RBFOX1: variants seen among roughly 807,000 people sequenced by gnomAD.
RBFOX1 encodes the protein RNA binding protein fox-1 homolog 1.
In RBFOX1, 8 loss-of-function variants were observed where a neutral mutation model predicts 57.7. The observed-to-expected ratio is 0.14, with a 90% CI of 0.08 to 0.25. RBFOX1 has a LOEUF of 0.25. RBFOX1 is among the 10% of genes least tolerant of loss of function. The pLI is 1.00. For synonymous variants in RBFOX1, 326 were observed against 222.4 expected (o/e 1.47, Z -4.15); for missense variants, 611 against 548.5 (o/e 1.11, Z -1.14).
In RBFOX1 at chr16:6,991,247, T is replaced by G. The variant is rs190744233; in HGVS notation, c.-15-60810T>G. Among the ~76,000 whole-genome samples the G allele has an allele frequency of 2.5e-4, 38 of 151,158 alleles. No individual in the cohort carries two copies. The East Asian group carries it at 5.9e-3, about 23-fold the overall frequency. On this transcript the variant is annotated intron_variant, in intron 3 of 15. Coordinates refer to ENST00000550418, the MANE Select transcript of RBFOX1 (RefSeq NM_018723.4). ...CCTGGGAGGCAGAGGTTGCAGTGAG[T>G]TGAGACCATGCCACGTCACTCCAGC...
At chr16:5,697,754 G>A (rs1458229428) in intron 3 of RBFOX1, among the ~76,000 whole-genome samples, 1 of 151,906 alleles carries the variant, frequency 6.6e-6, no homozygotes, top group Non-Finnish European at 1.5e-5. Flanking sequence ...GGCTGGTCTC[G>A]AACTCCTGTC....
intron 4 of RBFOX1, among the ~76,000 whole-genome samples, chr16:6,001,953 C>T (rs1008331308): frequency 4.0e-5 from 6 of 149,578 alleles, no homozygotes; most frequent in Non-Finnish European, 8.9e-5. Flanking sequence ...CATGAATAAT[C>T]TATAGCTCTT....
intron 2 of RBFOX1, among the ~76,000 whole-genome samples, chr16:6,647,874 C>G (rs889252978): frequency 6.6e-6 from 1 of 152,086 alleles, no homozygotes; most frequent in African/African-American, 2.4e-5. Flanking sequence ...GAGTCTTGTT[C>G]TTTGTTGCCC....
intron 2 of RBFOX1, among the ~76,000 whole-genome samples, chr16:6,372,366 G>C (rs1291565922): frequency 6.6e-6 from 1 of 151,530 alleles, no homozygotes; most frequent in Non-Finnish European, 1.5e-5. Flanking sequence ...TGGAAGGATG[G>C]TTGGTTAGGA....
chr16:5,523,852 A>C (rs545335127), intron 2 of RBFOX1, among the ~76,000 whole-genome samples: 1 of 152,296 alleles, frequency 6.6e-6, no homozygotes, highest in African/African-American at 2.4e-5. Flanking sequence ...CTGGAGGACC[A>C]GGTGTCCTTG....
intron 14 of RBFOX1, among the ~76,000 whole-genome samples, chr16:7,679,759 G>C (rs1426946407): frequency 6.6e-6 from 1 of 151,930 alleles, no homozygotes. Context: ...ATGATCACAT[G>C]CTGATTATCT....
intron 4 of RBFOX1, among the ~76,000 whole-genome samples, chr16:7,320,625 A>G (rs149615870): frequency 6.6e-6 from 1 of 152,208 alleles, no homozygotes; most frequent in African/African-American, 2.4e-5. Context: ...AAAAATGGGG[A>G]TTTGTTGATT....
intron 4 of RBFOX1, among the ~76,000 whole-genome samples, chr16:7,408,304 G>C (rs530092507): frequency 2.6e-5 from 4 of 152,236 alleles, no homozygotes; most frequent in African/African-American, 9.6e-5. Context: ...GTGACTTGTA[G>C]ATGACAATAC....
intron 14 of RBFOX1, among the ~76,000 whole-genome samples, chr16:7,707,477 G>T (rs549615886): frequency 2.0e-5 from 3 of 152,254 alleles, no homozygotes; most frequent in Admixed American, 2.0e-4. Flanking sequence ...TGATAATACA[G>T]ACAAACCATT....
intron 6 of RBFOX1, among the ~76,000 whole-genome samples, chr16:7,582,403 T>C (rs143648608): frequency 7.6e-4 from 116 of 152,284 alleles, no homozygotes; most frequent in African/African-American, 2.5e-3. Context: ...ACATACAGAT[T>C]CATAGACCCC....
intron 4 of RBFOX1, among the ~76,000 whole-genome samples, chr16:7,216,083 C>T (rs72765598): frequency 0.31 from 46,857 of 152,024 alleles, 8,211 homozygotes; most frequent in East Asian, 0.66. Context: ...CCTTCTTTCA[C>T]TTAGCATAAT....
chr16:7,608,959 G>T (rs1179379680), intron 10 of RBFOX1, among the ~76,000 whole-genome samples: 2 of 152,096 alleles, frequency 1.3e-5, no homozygotes, highest in African/African-American at 4.8e-5. Context: ...TTCATTTAGG[G>T]GGTGTTAATT....
intron 2 of RBFOX1, among the ~76,000 whole-genome samples, chr16:5,598,062 C>T (rs564442474): frequency 1.4e-4 from 22 of 151,934 alleles, no homozygotes; most frequent in South Asian, 1.0e-3. Flanking sequence ...TTTGGGAGGC[C>T]GAGGCAGGTG....
At chr16:6,980,346 A>T (rs578230499) in intron 3 of RBFOX1, among the ~76,000 whole-genome samples, 1 of 152,346 alleles carries the variant, frequency 6.6e-6, no homozygotes, top group East Asian at 1.9e-4. Context: ...CCAGATGAGG[A>T]CTAACATGTA....
At chr16:6,460,289 T>C (rs1196674258) in intron 2 of RBFOX1, among the ~76,000 whole-genome samples, 2 of 152,108 alleles carry the variant, frequency 1.3e-5, no homozygotes, top group African/African-American at 2.4e-5. Flanking sequence ...AATCTCTTCT[T>C]ATAAGAACAC....
chr16:7,594,600 A>G (rs2094597478), intron 7 of RBFOX1, among the ~76,000 whole-genome samples: 1 of 152,238 alleles, frequency 6.6e-6, no homozygotes, highest in Non-Finnish European at 1.5e-5. Flanking sequence ...CTGAAATATT[A>G]AAAGCCAATG....
intron 4 of RBFOX1, among the ~76,000 whole-genome samples, chr16:7,500,795 C>T (rs930243915): frequency 3.9e-5 from 6 of 152,190 alleles, no homozygotes; most frequent in African/African-American, 7.2e-5. Context: ...TTGTCAGTGT[C>T]CCCACTCAAA....
intron 2 of RBFOX1, among the ~76,000 whole-genome samples, chr16:5,523,831 C>T (rs758672142): frequency 7.2e-5 from 11 of 152,098 alleles, no homozygotes; most frequent in African/African-American, 2.2e-4. Context: ...GAGAACAAGC[C>T]GCAGCGGCCC....
intron 11 of RBFOX1, among the ~76,000 whole-genome samples, chr16:7,643,216 T>C (rs1432679845): frequency 1.3e-5 from 2 of 152,208 alleles, no homozygotes; most frequent in African/African-American, 4.8e-5. Context: ...TGTGTGTCTT[T>C]TGCTGTTGCT....
Sources: allele counts gnomAD v4.1 joint callset (sites outside exome capture counted in the v4.1 genomes callset), GRCh38; gene constraint gnomAD v4.1.1; transcripts MANE v1.5; gene names NCBI Gene and HGNC (gene_info 2026-07-23, HGNC 2026-07-21).